The following BNC2 variants were observed in gnomAD, a reference collection of about 807,000 sequenced individuals.
The protein encoded by BNC2 is basonuclin zinc finger protein 2.
BNC2 carries 20 observed loss-of-function variants against 76.3 expected under a neutral mutation model. The ratio of observed to expected loss-of-function variants is 0.26; its 90% CI spans 0.18 to 0.38. The LOEUF is 0.38. BNC2 is among the 10% of genes least tolerant of loss of function. The probability of loss-of-function intolerance (pLI) is 1.00; values close to 1 mark genes in which losing one functional copy is unlikely to be tolerated. For synonymous variants in BNC2, 582 were observed against 514.8 expected (o/e 1.13, Z -1.77); for missense variants, 1,382 against 1,399.8 (o/e 0.99, Z 0.20).
intron 1 of BNC2, among the ~76,000 whole-genome samples, chr9:16,758,247 T>C (rs1008059001): frequency 2.0e-5 from 3 of 152,230 alleles, no homozygotes; most frequent in African/African-American, 7.2e-5. Context: ...CAGCTTTTAA[T>C]GATTCATGTG....
chr9:16,780,249 A>AAAAC (rs1358684830), intron 1 of BNC2, among the ~76,000 whole-genome samples: 11 of 132,020 alleles, frequency 8.3e-5, no homozygotes, highest in African/African-American at 3.5e-4. Context: ...AAAAAAAAAA[A>AAAAC]AAAAAAACAA....
intron 3 of BNC2, among the ~76,000 whole-genome samples, chr9:16,632,963 GATC>G (rs1821210198): frequency 6.6e-6 from 1 of 152,100 alleles, no homozygotes; most frequent in Non-Finnish European, 1.5e-5. Flanking sequence ...CATGAGAACT[GATC>G]ATATTAAAAT....
At chr9:16,524,439 G>A (rs1266287375) in intron 5 of BNC2, among the ~76,000 whole-genome samples, 1 of 152,030 alleles carries the variant, frequency 6.6e-6, no homozygotes, top group Non-Finnish European at 1.5e-5. Context: ...AGTTCCCTAA[G>A]GAAATTTAGA....
At position 16,845,558 on chromosome 9, in the gene BNC2, A is replaced by C. The variant is rs868698787; in HGVS notation, c.3+25088T>G. ...AACACAGTGAAACCCCATCTCTACT[A>C]AAAATACAAAAAATTAGCCGGGTGT... On this transcript the variant is annotated intron_variant, in intron 1 of 6. Coordinates refer to ENST00000380672, the MANE Select transcript of BNC2 (RefSeq NM_017637.6). Among the ~76,000 whole-genome samples, 33 of 151,882 alleles carry C rather than the reference A, an allele frequency of 2.2e-4. 1 individual carries two copies. The Middle Eastern group carries it at 0.014, about 63-fold the overall frequency.
intron 5 of BNC2, among the ~76,000 whole-genome samples, chr9:16,460,025 T>G (rs143530724): frequency 6.6e-6 from 1 of 152,314 alleles, no homozygotes; most frequent in African/African-American, 2.4e-5. Context: ...TTGTTTGCCC[T>G]AAAGACTATT....
chr9:16,512,431 TG>T (rs1170600079), intron 5 of BNC2, among the ~76,000 whole-genome samples: 1 of 151,884 alleles, frequency 6.6e-6, no homozygotes, highest in African/African-American at 2.4e-5. Context: ...ACCTGTAAAA[TG>T]GGATAATGCT....
At chr9:16,820,407 C>G (rs1006852203) in intron 1 of BNC2, among the ~76,000 whole-genome samples, 1 of 150,668 alleles carries the variant, frequency 6.6e-6, no homozygotes, top group African/African-American at 2.4e-5. Flanking sequence ...GCCTGGGCAA[C>G]AAGAGCAAAA....
At chr9:16,818,548 C>G (rs1422651561) in intron 1 of BNC2, among the ~76,000 whole-genome samples, 1 of 152,164 alleles carries the variant, frequency 6.6e-6, no homozygotes, top group African/African-American at 2.4e-5. Flanking sequence ...GCAAGGAGCT[C>G]ATGATTCATA....
At chr9:16,511,081 A>G (rs1327478312) in intron 5 of BNC2, among the ~76,000 whole-genome samples, 1 of 151,530 alleles carries the variant, frequency 6.6e-6, no homozygotes, top group African/African-American at 2.4e-5. Flanking sequence ...TTCTCAGAAA[A>G]GCTAATGGAG....
rs932093555 is a variant in BNC2 at position 16,691,668 on chromosome 9, C to A, written c.330+36129G>T. Among the ~76,000 whole-genome samples, 9 of 151,926 alleles carry A rather than the reference C, an allele frequency of 5.9e-5. No individual in the cohort carries two copies. In the East Asian group the frequency reaches 1.7e-3, roughly 29 times the overall value. ...GGGACTACAAGCACCCACCACCACG[C>A]CCAGCTAATTTTTTGTATTTTTAAT... On this transcript the variant is annotated intron_variant, in intron 3 of 6. Coordinates refer to ENST00000380672, the MANE Select transcript of BNC2 (RefSeq NM_017637.6).
At chr9:16,632,306 C>T (rs1288775640) in intron 3 of BNC2, among the ~76,000 whole-genome samples, 2 of 152,078 alleles carry the variant, frequency 1.3e-5, no homozygotes, top group African/African-American at 4.8e-5. Context: ...TCTGTCCCTC[C>T]AGGAGTTCAC....
chr9:16,751,634 G>GTGTA (rs1563926890), intron 1 of BNC2, among the ~76,000 whole-genome samples: 8 of 8,568 alleles, frequency 9.3e-4, no homozygotes, highest in East Asian at 9.6e-3. Context: ...ATATATGTAT[G>GTGTA]TATATATGTA....
At chr9:16,468,385 T>A (rs1358407692) in intron 5 of BNC2, among the ~76,000 whole-genome samples, 2 of 151,660 alleles carry the variant, frequency 1.3e-5, no homozygotes, top group Non-Finnish European at 3.0e-5. Context: ...ATATGCAGTA[T>A]CTTTATTTTT....
intron 5 of BNC2, among the ~76,000 whole-genome samples, chr9:16,481,035 C>A (rs1021927167): frequency 6.6e-6 from 1 of 152,270 alleles, no homozygotes. Context: ...CACCAGTTGG[C>A]ACTCTGTATC....
At chr9:16,440,466 C>G (rs1821103747) in intron 5 of BNC2, among the ~76,000 whole-genome samples, 1 of 152,220 alleles carries the variant, frequency 6.6e-6, no homozygotes, top group Admixed American at 6.5e-5. Context: ...ATTAATTTCT[C>G]AGGCTGAGCC....
chr9:16,692,335 G>A (rs1470324683), intron 3 of BNC2, among the ~76,000 whole-genome samples: 1 of 152,088 alleles, frequency 6.6e-6, no homozygotes, highest in African/African-American at 2.4e-5. Flanking sequence ...TTAAAGACAG[G>A]TAATACTGAA....
Position 16,411,184 on chromosome 9 carries a change from C to T in BNC2, c.*7805G>A, listed in dbSNP as rs1419892260. ...CCCCAGAGTCACCTCTCAATCCTTGCATTCCATGACAGAAGTGGGCAGAGC... is the reference window on the plus strand; with the variant it reads ...CCCCAGAGTCACCTCTCAATCCTTGTATTCCATGACAGAAGTGGGCAGAGC... On this transcript the variant is annotated 3_prime_UTR_variant, in exon 7 of 7. Coordinates refer to ENST00000380672, the MANE Select transcript of BNC2 (RefSeq NM_017637.6). The T allele has an allele frequency of 6.6e-6, 1 of 152,662 alleles. No homozygotes were observed. The highest frequency in any genetic ancestry group is 6.5e-5 in the Admixed American group (1 of 15,284). The allele number at this position is 152,662 out of a possible 1,614,324, so 9.5% of individuals were successfully genotyped here.
At chr9:16,868,855 C>T (rs1211302126) in intron 1 of BNC2, among the ~76,000 whole-genome samples, 1 of 151,936 alleles carries the variant, frequency 6.6e-6, no homozygotes, top group East Asian at 1.9e-4. Flanking sequence ...CAAGGTCTCA[C>T]TACTAGGGTA....
At chr9:16,629,797 A>G (rs1821107842) in intron 3 of BNC2, among the ~76,000 whole-genome samples, 1 of 152,226 alleles carries the variant, frequency 6.6e-6, no homozygotes, top group Admixed American at 6.5e-5. Context: ...AAATGCTAAC[A>G]ATCGTCTGAG....
Sources: gnomAD v4.1 joint callset for allele counts (sites outside exome capture counted in the v4.1 genomes callset) on GRCh38, gnomAD v4.1.1 for gene constraint, MANE v1.5 for transcripts, NCBI Gene and HGNC (gene_info 2026-07-23, HGNC 2026-07-21) for gene names.